Variants in SHANK2 observed in about 807,000 individuals in gnomAD.
The protein encoded by SHANK2 is SH3 and multiple ankyrin repeat domains 2.
Under a neutral mutation model 133.7 loss-of-function variants are expected in SHANK2, and 43 were observed. That is an observed-to-expected ratio of 0.32 (90% CI 0.25 to 0.41). The LOEUF (loss-of-function observed/expected upper bound fraction) is 0.41. Among genes scored for constraint, SHANK2 ranks in the 10% least tolerant of loss-of-function variants. The pLI is 1.00. For missense variants in SHANK2, 1,994 were observed against 2,235.8 expected, an observed-to-expected ratio of 0.89 and a Z score of 2.18; for synonymous variants, 1,017 against 952.8, an observed-to-expected ratio of 1.07 and a Z score of -1.24.
intron 17 of SHANK2, among the ~76,000 whole-genome samples, chr11:70,511,112 G>A (rs1286675196): frequency 6.6e-6 from 1 of 152,214 alleles, no homozygotes; most frequent in Non-Finnish European, 1.5e-5. Flanking sequence ...TGACAACAAG[G>A]CTCAAGGATG....
intron 17 of SHANK2, among the ~76,000 whole-genome samples, chr11:70,600,615 G>C (rs115433588): frequency 0.014 from 2,175 of 152,168 alleles, 60 homozygotes; most frequent in African/African-American, 0.05. Context: ...TGGACCAACG[G>C]ACAGCCACAC....
At chr11:70,741,113 G>A (rs1246150837) in intron 14 of SHANK2, among the ~76,000 whole-genome samples, 4 of 151,902 alleles carry the variant, frequency 2.6e-5, no homozygotes, top group Non-Finnish European at 2.9e-5. Context: ...GCACCTACCT[G>A]ATATACCTTC....
intron 2 of SHANK2, among the ~76,000 whole-genome samples, chr11:71,152,303 G>A (rs1365304363): frequency 2.6e-5 from 4 of 152,096 alleles, no homozygotes; most frequent in Non-Finnish European, 4.4e-5. Context: ...TAGTAGAGAC[G>A]GGTTTTCACC....
At chr11:70,908,081 G>A in intron 10 of SHANK2, 1 of 248,324 alleles carries the variant, frequency 4.0e-6, no homozygotes, top group South Asian at 4.3e-5. Flanking sequence ...GCGCAACAGA[G>A]TGAGAGTCCA....
In SHANK2 at chr11:70,473,394, C is replaced by G. The variant is rs147288898; in HGVS notation, c.5025G>C (p.Thr1675=). 1 of 1,608,882 alleles carries G rather than the reference C, an allele frequency of 6.2e-7. No individual in the cohort carries two copies. Among genetic ancestry groups the G allele is most frequent in the Admixed American group, 1.7e-5 (1 of 60,026 alleles). The change falls in exon 26 of 26, where the codon ACG becomes ACC. Residue 1675 remains threonine, a synonymous_variant. Transcript: ENST00000601538. This position sits in a 1 kb window ranked among gnomAD's most constrained non-coding sequence, Gnocchi z 5.9. ...MSTISGTRST[T]VTFTVRPGTS... is the part of the protein sequence containing the mutation. The stretch of plus-strand genomic sequence containing the variant: ...TGCCGGGGCGAACAGTGAAGGTGAC[C>G]GTCGTGCTCCGTGTACCTGAGATGG...
chr11:70,655,864 G>C (rs1370358254), intron 17 of SHANK2, among the ~76,000 whole-genome samples: 2 of 152,148 alleles, frequency 1.3e-5, no homozygotes, highest in East Asian at 3.9e-4. Flanking sequence ...GGGACCCCCG[G>C]CATCACCACT....
chr11:70,945,191 C>A (rs916878006), intron 10 of SHANK2, among the ~76,000 whole-genome samples: 1 of 152,126 alleles, frequency 6.6e-6, no homozygotes, highest in Admixed American at 6.5e-5. Flanking sequence ...GGACTTCCCT[C>A]GGGGTGCTTT....
At chr11:71,193,348 T>C (rs1555115746) in intron 2 of SHANK2, among the ~76,000 whole-genome samples, 1 of 152,090 alleles carries the variant, frequency 6.6e-6, no homozygotes, top group Non-Finnish European at 1.5e-5. Context: ...TGTGTGTGCA[T>C]GCACACATAC....
intron 3 of SHANK2, among the ~76,000 whole-genome samples, chr11:71,129,532 C>A (rs1555103340): frequency 1.3e-5 from 2 of 152,190 alleles, no homozygotes; most frequent in African/African-American, 2.4e-5. Context: ...GCAGTCCCAG[C>A]TACTCTGGAG....
intron 14 of SHANK2, among the ~76,000 whole-genome samples, chr11:70,738,433 G>C (rs1201916978): frequency 2.0e-5 from 3 of 152,236 alleles, no homozygotes; most frequent in Non-Finnish European, 4.4e-5. Context: ...GACGCCCAAG[G>C]CTCCGAGCAG....
intron 11 of SHANK2, among the ~76,000 whole-genome samples, chr11:70,886,202 G>A (rs1356449351): frequency 5.3e-5 from 8 of 152,212 alleles, no homozygotes; most frequent in Non-Finnish European, 8.8e-5. Flanking sequence ...TCACAGAGGC[G>A]GCCGACTGCT....
intron 14 of SHANK2, among the ~76,000 whole-genome samples, chr11:70,738,397 T>C (rs540346941): frequency 2.6e-5 from 4 of 152,222 alleles, no homozygotes; most frequent in Non-Finnish European, 5.9e-5. Context: ...TGAGGGGCGC[T>C]GTGCTTGTTT....
At chr11:71,212,263 T>C (rs1386219727) in intron 2 of SHANK2, among the ~76,000 whole-genome samples, 6 of 152,104 alleles carry the variant, frequency 3.9e-5, no homozygotes, top group African/African-American at 1.4e-4. Context: ...CAAGCAGAGT[T>C]TTACCAGCGT....
chr11:70,887,138 G>A lies in SHANK2; in HGVS notation c.1174+9363C>T, dbSNP rs1276002606. On this transcript the variant is annotated intron_variant, in intron 11 of 25. Transcript: ENST00000601538. ...ATGTGTGCACGACTGTTTCAGATGC[G>A]GGCTCCCCGGCACCCGGACAGTCTT... Among the ~76,000 whole-genome samples the A allele has an allele frequency of 3.3e-5, 5 of 152,130 alleles. No individual in the cohort carries two copies. In the South Asian group the frequency reaches 6.2e-4, roughly 19 times the overall value.
chr11:70,664,645 A>G (rs1383742673), intron 15 of SHANK2, among the ~76,000 whole-genome samples: 1 of 152,178 alleles, frequency 6.6e-6, no homozygotes, highest in East Asian at 1.9e-4. Flanking sequence ...GCAGTGCCCA[A>G]CGCCATCCAA....
chr11:70,899,073 G>GAT (rs1949985902), intron 10 of SHANK2, among the ~76,000 whole-genome samples: 1 of 152,226 alleles, frequency 6.6e-6, no homozygotes, highest in African/African-American at 2.4e-5. Context: ...TCAACAGTTA[G>GAT]ATGGTCTCTG....
At chr11:70,580,901 C>A (rs935018743) in intron 17 of SHANK2, among the ~76,000 whole-genome samples, 2 of 152,232 alleles carry the variant, frequency 1.3e-5, no homozygotes, top group Non-Finnish European at 2.9e-5. Flanking sequence ...GATGCTGCAG[C>A]ACACACGTGT....
chr11:71,109,773 G>A (rs934774523), intron 6 of SHANK2, among the ~76,000 whole-genome samples, 168 bp downstream of exon 6: 4 of 152,238 alleles, frequency 2.6e-5, no homozygotes, highest in Non-Finnish European at 5.9e-5. Flanking sequence ...AGGCGGGCTC[G>A]GCCCCTTCTG....
chr11:70,852,629 G>C (rs1268407652), intron 11 of SHANK2, among the ~76,000 whole-genome samples: 1 of 152,224 alleles, frequency 6.6e-6, no homozygotes, highest in Non-Finnish European at 1.5e-5. Context: ...CGGATCACGA[G>C]GTCAGGAGTT....
Sources: allele counts gnomAD v4.1 joint callset (sites outside exome capture counted in the v4.1 genomes callset), GRCh38; gene constraint gnomAD v4.1.1; non-coding constraint Gnocchi (gnomAD v3.1); transcripts MANE v1.5; gene names NCBI Gene and HGNC (gene_info 2026-07-23, HGNC 2026-07-21).